Variants in MGST1 observed in about 807,000 individuals in gnomAD.
The protein encoded by MGST1 is microsomal glutathione S-transferase 1, also known as glutathione S-transferase 12.
A neutral mutation model predicts 8.9 loss-of-function variants in MGST1; 5 were observed. The ratio of observed to expected loss-of-function variants is 0.56; its 90% confidence interval spans 0.29 to 1.19. MGST1 has a LOEUF of 1.19. Ranked by LOEUF, MGST1 falls within the 50% of genes most tolerant of loss-of-function variation. MGST1 has a pLI of 0.08. For synonymous variants in MGST1, 54 were observed against 67.8 expected, an observed-to-expected ratio of 0.80 and a Z score of 1.00; for missense variants, 182 against 187.4, an observed-to-expected ratio of 0.97 and a Z score of 0.17.
chr12:16,509,649 TG>T (rs1478881263), intron 4 of MGST1, among the ~76,000 whole-genome samples: 1 of 152,142 alleles, frequency 6.6e-6, no homozygotes. Flanking sequence ...AATTTTGAAG[TG>T]TATTTATCCA....
intron 1 of MGST1, among the ~76,000 whole-genome samples, chr12:16,436,427 A>G (rs927474680): frequency 6.6e-6 from 1 of 151,704 alleles, no homozygotes; most frequent in African/African-American, 2.4e-5. Context: ...TACTCTTCAT[A>G]CTCTTAAGTT....
rs552560525 is a variant in MGST1, at chr12:16,387,807, G to A, written n.778+4203G>A. On this transcript the variant is annotated intron_variant and non_coding_transcript_variant, in intron 1 of 1. Transcript: ENST00000359720. ...TCCTGAAGTGCTGGATTACAGGCGT[G>A]AGCCGCCGCACCCTGCTGTTTTCTA... is the stretch of plus-strand genomic sequence containing the variant. 5.9e-5 allele frequency among the ~76,000 whole-genome samples: 9 copies of A among 151,854 alleles called. No homozygotes were observed. In the South Asian group the frequency reaches 1.9e-3, roughly 32 times the overall value.
rs150029188 is a variant in MGST1 at position 16,571,777 on chromosome 12, G to A, written n.483-17751G>A. On this transcript the variant is annotated intron_variant and non_coding_transcript_variant, in intron 4 of 4. Transcript: ENST00000538857. The stretch of plus-strand genomic sequence containing the variant: ...TCTGTGATTCTTCATTCTAATCAAA[G>A]TGTAACTGGATCATTCAGCTAACAC... 1.6e-4 allele frequency among the ~76,000 whole-genome samples: 24 copies of A among 152,098 alleles called. No individual in the cohort carries two copies. In the East Asian group the frequency reaches 4.4e-3, roughly 28 times the overall value.
intron 1 of MGST1, chr12:16,383,608 T>A (rs1426630202): frequency 1.3e-5 from 2 of 152,214 alleles, no homozygotes; most frequent in Non-Finnish European, 2.9e-5. Flanking sequence ...ATTACAGGTA[T>A]GTGCCACTAC....
intron 3 of MGST1, chr12:16,360,299 G>C: frequency 1.0e-6 from 1 of 978,410 alleles, no homozygotes; most frequent in African/African-American, 1.8e-5. Context: ...CGTTACTTCA[G>C]TCATTGTAAA....
intron 4 of MGST1, chr12:16,551,186 A>C: frequency 8.0e-7 from 1 of 1,255,838 alleles, no homozygotes; most frequent in Non-Finnish European, 1.2e-6. Flanking sequence ...AAAAGAATGT[A>C]GTGCTTTGTA....
In MGST1 at chr12:16,391,687, G is replaced by T. The variant is rs560577365; in HGVS notation, n.778+8083G>T. ...GTTTGCAAATATTTTCTCCCATTCT[G>T]CACATTGTCTGTTTACTCAGTTGAT... On this transcript the variant is annotated intron_variant and non_coding_transcript_variant, in intron 1 of 1. Coordinates refer to the MGST1 transcript ENST00000359720. 3.2e-3 allele frequency among the ~76,000 whole-genome samples: 486 copies of T among 152,224 alleles called. 1 individual carries two copies. Among genetic ancestry groups the T allele is most frequent in the African/African-American group, 0.011 (472 of 41,528 alleles).
intron 4 of MGST1, among the ~76,000 whole-genome samples, chr12:16,568,319 A>G (rs1942690274): frequency 6.6e-6 from 1 of 152,246 alleles, no homozygotes; most frequent in Non-Finnish European, 1.5e-5. Flanking sequence ...AGATTGTTTT[A>G]GACTTGAGAT....
intron 4 of MGST1, chr12:16,514,503 G>T: frequency 3.9e-6 from 1 of 259,562 alleles, no homozygotes; most frequent in Non-Finnish European, 7.8e-6. Flanking sequence ...ACACATCACT[G>T]CCCAAATTGA....
chr12:16,512,915 T>G (rs1941585926), intron 4 of MGST1, among the ~76,000 whole-genome samples: 1 of 152,174 alleles, frequency 6.6e-6, no homozygotes, highest in African/African-American at 2.4e-5. Context: ...CTCATGAGAA[T>G]CAAGGGCCAT....
At position 16,556,800 on chromosome 12, in the gene MGST1, G is replaced by C. The variant is rs370974944; in HGVS notation, n.483-32728G>C. On this transcript the variant is annotated intron_variant and non_coding_transcript_variant, in intron 4 of 4. Coordinates refer to the MGST1 transcript ENST00000538857. ...TGCTTTGCTTGACTGATGAAGATTA[G>C]CTGACTTCCCGCATTAGTTTGTCTT... Among the ~76,000 whole-genome samples the C allele has an allele frequency of 8.3e-4, 127 of 152,214 alleles. 5 individuals carry two copies. The South Asian group carries it at 0.026, about 31-fold the overall frequency.
At chr12:16,448,074 T>C (rs1941096338) in intron 4 of MGST1, among the ~76,000 whole-genome samples, 1 of 151,690 alleles carries the variant, frequency 6.6e-6, no homozygotes, top group African/African-American at 2.4e-5. Flanking sequence ...CCAATGAAGC[T>C]TATAAAAAGG....
Position 16,547,552 on chromosome 12 carries a change from T to A in MGST1, n.483-41976T>A, listed in dbSNP as rs766636545. 6.6e-6 allele frequency among the ~76,000 whole-genome samples: 1 copy of A among 152,094 alleles called. No individual in the cohort carries two copies. Among genetic ancestry groups the A allele is most frequent in the African/African-American group, 2.4e-5 (1 of 41,434 alleles). On this transcript the variant is annotated intron_variant and non_coding_transcript_variant, in intron 4 of 4. Transcript: ENST00000538857. This position sits in a 1 kb window ranked among gnomAD's most constrained non-coding sequence, Gnocchi z 4.6. Reference sequence around the variant, plus strand: ...CCAGTGCAAAGACATGTTAAAGTTATTTGATCTAGGCCAACCCTAAGTCTG... The same window carrying A: ...CCAGTGCAAAGACATGTTAAAGTTAATTGATCTAGGCCAACCCTAAGTCTG...
Position 16,425,893 on chromosome 12 carries a change from G to A in MGST1, n.779-11495G>A, listed in dbSNP as rs187047637. Among the ~76,000 whole-genome samples, 19 of 152,272 alleles carry A rather than the reference G, an allele frequency of 1.2e-4. No individual in the cohort carries two copies. In the East Asian group the frequency reaches 3.7e-3, roughly 29 times the overall value. On this transcript the variant is annotated intron_variant and non_coding_transcript_variant, in intron 1 of 1. Coordinates refer to the MGST1 transcript ENST00000359720. ...TTTTCAAACCTCTTCTCTCAACCCA[G>A]GGAGTTAATTCATGCTCGTTTTATT...
At chr12:16,391,590 G>C (rs144408662) in intron 1 of MGST1, among the ~76,000 whole-genome samples, 1 of 151,988 alleles carries the variant, frequency 6.6e-6, no homozygotes, top group East Asian at 1.9e-4. Context: ...TTCTTAATGG[G>C]GTTGTCTGTT....
chr12:16,400,840 C>G, intron 1 of MGST1: 1 of 1,205,210 alleles, frequency 8.3e-7, no homozygotes, highest in Non-Finnish European at 1.2e-6. Context: ...CGATGTAGAT[C>G]TTCATTTCCC....
chr12:16,538,754 G>A (rs371623822), intron 4 of MGST1, among the ~76,000 whole-genome samples: 2 of 151,886 alleles, frequency 1.3e-5, no homozygotes, highest in Non-Finnish European at 2.9e-5. Flanking sequence ...GACTACAGGC[G>A]CCCACCACCA....
chr12:16,513,510 A>G lies in MGST1; in HGVS notation n.483-76018A>G, dbSNP rs1941590562. The G allele has an allele frequency of 4.2e-6, 2 of 476,580 alleles. No homozygotes were observed. The highest frequency in any genetic ancestry group is 1.5e-5 in the South Asian group (1 of 64,552). 29.5% of individuals were successfully genotyped at this position (476,580 alleles called of 1,614,324 possible). Reference sequence around the variant, plus strand: ...GGTGGACCCATGTGGAGATGGGACCACCAGATCCCATCCTTGGAGTCACCG... The same window carrying G: ...GGTGGACCCATGTGGAGATGGGACCGCCAGATCCCATCCTTGGAGTCACCG... On this transcript the variant is annotated intron_variant and non_coding_transcript_variant, in intron 4 of 4. Coordinates refer to the MGST1 transcript ENST00000538857. This position sits in a 1 kb window ranked among gnomAD's most constrained non-coding sequence, Gnocchi z 4.2.
At chr12:16,474,260 A>G (rs913857952) in intron 4 of MGST1, among the ~76,000 whole-genome samples, 12 of 152,256 alleles carry the variant, frequency 7.9e-5, no homozygotes, top group African/African-American at 2.2e-4. Flanking sequence ...CAAAAATGTC[A>G]CGAAATTGAC....
Sources: gnomAD v4.1 joint callset for allele counts (sites outside exome capture counted in the v4.1 genomes callset) on GRCh38, gnomAD v4.1.1 for gene constraint, Gnocchi (gnomAD v3.1) non-coding constraint, MANE v1.5 for transcripts, NCBI Gene and HGNC (gene_info 2026-07-23, HGNC 2026-07-21) for gene names.